Variants in GPBP1 observed in about 807,000 individuals in gnomAD.
The protein encoded by GPBP1 is GC-rich promoter binding protein 1.
A neutral mutation model predicts 56.5 loss-of-function variants in GPBP1; 13 were observed. The ratio of observed to expected loss-of-function variants is 0.23; its 90% confidence interval spans 0.15 to 0.37. The LOEUF (loss-of-function observed/expected upper bound fraction) is 0.37, where lower values mean the gene tolerates loss of function less well. Ranked by LOEUF, GPBP1 falls within the 10% of genes least tolerant of loss-of-function variation. The probability of loss-of-function intolerance (pLI) is 1.00; values close to 1 mark genes in which losing one functional copy is unlikely to be tolerated. For synonymous variants in GPBP1, 204 were observed against 188.9 expected, an observed-to-expected ratio of 1.08 and a Z score of -0.66; for missense variants, 477 against 572.3, an observed-to-expected ratio of 0.83 and a Z score of 1.70.
chr5:57,257,747 AC>A (rs1306685810), intron 10 of GPBP1, among the ~76,000 whole-genome samples: 1 of 152,142 alleles, frequency 6.6e-6, no homozygotes, highest in Non-Finnish European at 1.5e-5. Flanking sequence ...GAACCATCAC[AC>A]CTGGCCCTAG....
At chr5:57,183,619 TGCACCAAACAA>T (rs1352612067) in intron 2 of GPBP1, among the ~76,000 whole-genome samples, 1 of 151,984 alleles carries the variant, frequency 6.6e-6, no homozygotes, top group African/African-American at 2.4e-5. Flanking sequence ...CTGTAGCCTA[TGCACCAAACAA>T]GAACCGCCCC....
chr5:57,250,930 T>TG (rs1169657549), intron 9 of GPBP1, 24 bp from the exon 10 acceptor site: 3 of 1,460,648 alleles, frequency 2.1e-6, no homozygotes, highest in Non-Finnish European at 2.8e-6. Context: ...TTCTTTTTTT[T>TG]TTTTTTAACT....
chr5:57,244,909 T>A (rs1303880103), intron 6 of GPBP1, among the ~76,000 whole-genome samples: 2 of 152,152 alleles, frequency 1.3e-5, no homozygotes, highest in African/African-American at 4.8e-5. Context: ...AATTCCTTTT[T>A]GTATTTTTAG....
chr5:57,220,835 C>T (rs1160718324), intron 3 of GPBP1, among the ~76,000 whole-genome samples: 1 of 120,728 alleles, frequency 8.3e-6, no homozygotes, highest in Non-Finnish European at 1.9e-5. Context: ...ACAATACTTT[C>T]TAGTGATACT....
At chr5:57,243,684 TCTG>T (rs1740940277) in intron 6 of GPBP1, among the ~76,000 whole-genome samples, 1 of 150,682 alleles carries the variant, frequency 6.6e-6, no homozygotes, top group Non-Finnish European at 1.5e-5. Flanking sequence ...TTTCATGTCT[TCTG>T]CTTCCTTGTT....
intron 2 of GPBP1, among the ~76,000 whole-genome samples, chr5:57,181,939 T>C (rs1052944348): frequency 6.6e-6 from 1 of 152,216 alleles, no homozygotes; most frequent in Non-Finnish European, 1.5e-5. Flanking sequence ...AGTTAACAGA[T>C]TTGCTGTATA....
At chr5:57,237,032 G>C in intron 6 of GPBP1, 1 of 653,850 alleles carries the variant, frequency 1.5e-6, no homozygotes, top group Non-Finnish European at 2.4e-6. Flanking sequence ...GGGTGGGGGT[G>C]GTCAGACACT....
Position 57,246,360 on chromosome 5 carries a change from C to T in GPBP1, c.539C>T (p.Thr180Ile). 1 of 1,613,700 alleles carries T rather than the reference C, an allele frequency of 6.2e-7. No homozygotes were observed. The highest frequency in any genetic ancestry group is 8.5e-7 in the Non-Finnish European group (1 of 1,179,672). Residue 180 changes from threonine to isoleucine, a missense_variant, in exon 7 of 12, where the codon ACA (threonine) becomes ATA (isoleucine). Around this residue, in one of 2 missense-constraint regions of GPBP1, gnomAD observed 414 missense variants for 458.2 expected, o/e 0.90. Transcript: ENST00000506184. ...ATGCTGGTCATTAAGAAAGGTAATACAAAAGACTTACAGCTATCTGGATTC... is the reference window on the plus strand; with the variant it reads ...ATGCTGGTCATTAAGAAAGGTAATATAAAAGACTTACAGCTATCTGGATTC... The part of the protein sequence containing the change: ...PRMLVIKKGN[T>I]KDLQLSGFPV...
chr5:57,247,258 TTA>T, intron 8 of GPBP1, 43 bp downstream of exon 8: 1 of 1,487,128 alleles, frequency 6.7e-7, no homozygotes, highest in South Asian at 1.2e-5. Flanking sequence ...AACATTTTAA[TTA>T]TGATAGTTTA....
chr5:57,226,898 CCTGA>C (rs941987933), intron 3 of GPBP1, among the ~76,000 whole-genome samples: 16 of 151,854 alleles, frequency 1.1e-4, no homozygotes, highest in Non-Finnish European at 2.2e-4. Context: ...CGCCACCGCG[CCTGA>C]CTAATTTTTT....
chr5:57,262,860 A>G lies in GPBP1; in HGVS notation c.*108A>G. On this transcript the variant is annotated 3_prime_UTR_variant, in exon 12 of 12. Transcript: ENST00000506184. ...AATTTATGTAGTGAAATACCCCATT[A>G]GAAGAGGATTTTTTGGGGGACTTCA... 1.0e-6 allele frequency: 1 copy of G among 988,924 alleles called. No individual in the cohort carries two copies. 61.3% of individuals were successfully genotyped at this position (988,924 alleles called of 1,614,324 possible).
chr5:57,247,470 C>T (rs1018922001), intron 8 of GPBP1, among the ~76,000 whole-genome samples: 6 of 152,074 alleles, frequency 3.9e-5, no homozygotes, highest in African/African-American at 1.4e-4. Context: ...AGGAGGATCA[C>T]TTGAGCCCAG....
chr5:57,218,967 T>G (rs1329851670), intron 3 of GPBP1, among the ~76,000 whole-genome samples: 1 of 152,242 alleles, frequency 6.6e-6, no homozygotes, highest in Non-Finnish European at 1.5e-5. Context: ...TGTTTTCACA[T>G]AGCTGATTAG....
intron 2 of GPBP1, among the ~76,000 whole-genome samples, chr5:57,211,625 C>A (rs1360945655): frequency 1.3e-5 from 2 of 150,900 alleles, no homozygotes; most frequent in African/African-American, 4.9e-5. Flanking sequence ...TCCTCCTTGC[C>A]CAGGCTGGAG....
intron 2 of GPBP1, among the ~76,000 whole-genome samples, chr5:57,185,600 A>G (rs1380392990): frequency 6.6e-6 from 1 of 152,062 alleles, no homozygotes; most frequent in Admixed American, 6.6e-5. Context: ...ACCCTTGTGT[A>G]TAGTTGGAAT....
chr5:57,239,012 G>A (rs1208420631), intron 6 of GPBP1, among the ~76,000 whole-genome samples: 1 of 152,178 alleles, frequency 6.6e-6, no homozygotes, highest in Non-Finnish European at 1.5e-5. Flanking sequence ...AAAGCCAATG[G>A]GGATTGATTT....
Position 57,261,171 on chromosome 5 carries a change from C to A in GPBP1, c.1161-9C>A. The stretch of plus-strand genomic sequence containing the variant: ...CTTTACATTAAACTTAATTTCCTCT[C>A]CTTTTCAGATTGTTAAAGGAAATGG... On this transcript the variant is annotated splice_polypyrimidine_tract_variant and intron_variant, in intron 10 of 11. Coordinates refer to ENST00000506184, the MANE Select transcript of GPBP1 (RefSeq NM_022913.4). 1.3e-6 allele frequency: 2 copies of A among 1,571,836 alleles called. No individual in the cohort carries two copies. Among genetic ancestry groups the A allele is most frequent in the Admixed American group, 1.7e-5 (1 of 59,896 alleles).
chr5:57,220,501 C>T (rs1755908800), intron 3 of GPBP1, among the ~76,000 whole-genome samples: 2 of 151,180 alleles, frequency 1.3e-5, no homozygotes, highest in South Asian at 4.2e-4. Context: ...GCTCTGTCGC[C>T]CAAGCTGGAA....
intron 5 of GPBP1, among the ~76,000 whole-genome samples, chr5:57,234,518 A>C (rs1358365495): frequency 6.6e-6 from 1 of 152,186 alleles, no homozygotes; most frequent in South Asian, 2.1e-4. Flanking sequence ...TGGGAGGTTC[A>C]AGTGAAGCCA....
Sources: allele counts gnomAD v4.1 joint callset (sites outside exome capture counted in the v4.1 genomes callset), GRCh38; gene constraint gnomAD v4.1.1; regional missense constraint gnomAD v4.1.1; transcripts MANE v1.5; gene names NCBI Gene and HGNC (gene_info 2026-07-23, HGNC 2026-07-21).